The following SPSB4 variants were observed in gnomAD, a reference collection of about 807,000 sequenced individuals.
SPSB4 encodes splA/ryanodine receptor domain and SOCS box containing 4.
In SPSB4, 21 loss-of-function variants were observed where a neutral mutation model predicts 20.9. The observed-to-expected ratio is 1.01, with a 90% CI of 0.71 to 1.45. The LOEUF (loss-of-function observed/expected upper bound fraction) is 1.45, where lower values mean the gene tolerates loss of function less well. Ranked by LOEUF, SPSB4 falls within the 40% of genes most tolerant of loss-of-function variation. SPSB4 has a pLI of 0.00. For synonymous variants in SPSB4, 207 were observed against 183.8 expected (o/e 1.13, Z -1.02); for missense variants, 399 against 399.2 (o/e 1.00, Z 0.00).
At position 141,131,482 on chromosome 3, in the gene SPSB4, C is replaced by G. The variant is rs375582307; in HGVS notation, c.695-15660C>G. On this transcript the variant is annotated intron_variant, in intron 2 of 2. Coordinates refer to ENST00000310546, the MANE Select transcript of SPSB4 (RefSeq NM_080862.3). The stretch of plus-strand genomic sequence containing the variant: ...CAAGCAGCAGAAAATTCCAGCCCCC[C>G]CTTCCCAACCCCCAGGAATCCCTCA... 9.2e-5 allele frequency among the ~76,000 whole-genome samples: 14 copies of G among 152,124 alleles called. No homozygotes were observed. The East Asian group carries it at 1.4e-3, about 15-fold the overall frequency.
At chr3:141,052,725 T>C (rs1936116923) in intron 1 of SPSB4, among the ~76,000 whole-genome samples, 1 of 152,122 alleles carries the variant, frequency 6.6e-6, no homozygotes, top group East Asian at 1.9e-4. Flanking sequence ...TACAAACTTG[T>C]CTATGCTCGG....
At chr3:141,096,280 A>G (rs1938546856) in intron 2 of SPSB4, among the ~76,000 whole-genome samples, 1 of 152,212 alleles carries the variant, frequency 6.6e-6, no homozygotes, top group Non-Finnish European at 1.5e-5. Context: ...AAGGAGGTAC[A>G]TGACTTGTTA....
At chr3:141,053,661 A>G (rs139043527) in intron 1 of SPSB4, among the ~76,000 whole-genome samples, 3 of 152,376 alleles carry the variant, frequency 2.0e-5, no homozygotes, top group Non-Finnish European at 4.4e-5. Flanking sequence ...CATGCGAAAT[A>G]AAATAGAAAT....
intron 2 of SPSB4, among the ~76,000 whole-genome samples, chr3:141,137,064 T>C (rs1231324923): frequency 1.3e-5 from 2 of 152,184 alleles, no homozygotes. Context: ...ACATCCCTTG[T>C]AAGTTGGATT....
intron 2 of SPSB4, among the ~76,000 whole-genome samples, chr3:141,119,666 C>T (rs1259364412): frequency 6.6e-6 from 1 of 151,978 alleles, no homozygotes; most frequent in Non-Finnish European, 1.5e-5. Context: ...AGGAATTTAT[C>T]CATTTCTTCT....
intron 2 of SPSB4, among the ~76,000 whole-genome samples, chr3:141,105,151 C>T (rs141789159): frequency 1.3e-5 from 2 of 152,258 alleles, no homozygotes; most frequent in African/African-American, 4.8e-5. Context: ...CAGAAAGGCT[C>T]ACAGAAAAGG....
intron 2 of SPSB4, among the ~76,000 whole-genome samples, chr3:141,137,674 A>G (rs988290990): frequency 2.0e-5 from 3 of 152,190 alleles, no homozygotes; most frequent in Admixed American, 1.3e-4. Context: ...GTTGCATCCC[A>G]GGGATGAAGC....
At chr3:141,093,835 C>T (rs777349941) in intron 2 of SPSB4, among the ~76,000 whole-genome samples, 4 of 152,178 alleles carry the variant, frequency 2.6e-5, no homozygotes, top group Admixed American at 1.3e-4. Flanking sequence ...GAGCCTGAGC[C>T]GTGCCTTGCT....
At position 141,147,635 on chromosome 3, in the gene SPSB4, A is replaced by T. The variant is rs1228587198; in HGVS notation, c.*366A>T. On this transcript the variant is annotated 3_prime_UTR_variant, in exon 3 of 3. Coordinates refer to ENST00000310546, the MANE Select transcript of SPSB4 (RefSeq NM_080862.3). ...AAAACATTTAGGCAGGAGACTTTCTATTGTGTGCCCCGTTGCAGACAGGGC... is the reference window on the plus strand; with the variant it reads ...AAAACATTTAGGCAGGAGACTTTCTTTTGTGTGCCCCGTTGCAGACAGGGC... 1.0e-5 allele frequency: 2 copies of T among 190,882 alleles called. No individual in the cohort carries two copies. The highest frequency in any genetic ancestry group is 4.6e-5 in the African/African-American group (2 of 43,548). 11.8% of individuals were successfully genotyped at this position (190,882 alleles called of 1,614,324 possible). A position where few individuals can be genotyped will look rare whatever the true frequency, so the allele number is the denominator to read the frequency against.
Position 141,090,324 on chromosome 3 carries a change from T to C in SPSB4, c.694+23526T>C, listed in dbSNP as rs79315848. Among the ~76,000 whole-genome samples the C allele has an allele frequency of 6.5e-3, 993 of 152,356 alleles. 6 individuals are homozygous for C. Among genetic ancestry groups the C allele is most frequent in the Non-Finnish European group, 0.011 (716 of 68,032 alleles). ...AAAGTCTCTGTCCTCATGAAGCTTA[T>C]ATTTTAGTAGGTGGAGACAGAAAAT... On this transcript the variant is annotated intron_variant, in intron 2 of 2. Coordinates refer to ENST00000310546, the MANE Select transcript of SPSB4 (RefSeq NM_080862.3).
intron 2 of SPSB4, among the ~76,000 whole-genome samples, chr3:141,111,685 C>T (rs184703493): frequency 6.6e-6 from 1 of 152,022 alleles, no homozygotes; most frequent in South Asian, 2.1e-4. Context: ...CTTTAGGGCC[C>T]CATTAATCCT....
At chr3:141,080,067 G>A (rs1938199412) in intron 2 of SPSB4, among the ~76,000 whole-genome samples, 1 of 152,174 alleles carries the variant, frequency 6.6e-6, no homozygotes. Flanking sequence ...CTTACTACCA[G>A]TCTCTTTTCC....
chr3:141,060,818 T>C (rs1937747026), intron 1 of SPSB4, among the ~76,000 whole-genome samples: 2 of 152,224 alleles, frequency 1.3e-5, no homozygotes, highest in African/African-American at 2.4e-5. Context: ...AATAAGCTGA[T>C]AGACAAAAAT....
intron 2 of SPSB4, among the ~76,000 whole-genome samples, chr3:141,073,962 G>A (rs575408121): frequency 2.6e-5 from 4 of 152,324 alleles, no homozygotes; most frequent in Admixed American, 6.5e-5. Flanking sequence ...AAAAGGCCTC[G>A]ATCAGATGCT....
At chr3:141,127,437 G>A (rs1021497824) in intron 2 of SPSB4, among the ~76,000 whole-genome samples, 38 of 152,332 alleles carry the variant, frequency 2.5e-4, no homozygotes, top group African/African-American at 9.1e-4. Flanking sequence ...CTTGGGCCTG[G>A]TTCAGCCCCA....
intron 2 of SPSB4, among the ~76,000 whole-genome samples, chr3:141,131,920 G>A (rs1009526755): frequency 6.6e-6 from 1 of 152,186 alleles, no homozygotes; most frequent in African/African-American, 2.4e-5. Flanking sequence ...GCCACTAAAA[G>A]CATTGTGAGC....
At chr3:141,052,059 C>T (rs1311713717) in intron 1 of SPSB4, 67 bp downstream of exon 1, 2 of 152,742 alleles carry the variant, frequency 1.3e-5, no homozygotes, top group African/African-American at 4.8e-5. Flanking sequence ...GCTGCACGGA[C>T]TTTGTGCGGG....
At chr3:141,119,397 CA>C (rs1024793176) in intron 2 of SPSB4, among the ~76,000 whole-genome samples, 179 of 152,286 alleles carry the variant, frequency 1.2e-3, no homozygotes, top group African/African-American at 3.8e-3. Context: ...TGGGCTGAAA[CA>C]ATGGGGTTTT....
intron 2 of SPSB4, chr3:141,124,257 G>A (rs1939016538): frequency 6.6e-6 from 1 of 152,414 alleles, no homozygotes; most frequent in South Asian, 2.1e-4. Flanking sequence ...GGAGCCCATA[G>A]GGGTGAGGAC....
Sources: gnomAD v4.1 joint callset for allele counts (sites outside exome capture counted in the v4.1 genomes callset) on GRCh38, gnomAD v4.1.1 for gene constraint, MANE v1.5 for transcripts, NCBI Gene and HGNC (gene_info 2026-07-23, HGNC 2026-07-21) for gene names.